The following SIDT1 variants were observed in gnomAD, a reference collection of about 807,000 sequenced individuals.
SIDT1 encodes SID1 transmembrane family member 1, also known as SID1 transmembrane family, member 1.
SIDT1 carries 101 observed loss-of-function variants against 107.5 expected under a neutral mutation model. That is an observed-to-expected ratio of 0.94 (90% CI 0.80 to 1.11). The LOEUF (loss-of-function observed/expected upper bound fraction) is 1.11, where lower values mean the gene tolerates loss of function less well. Among genes scored for constraint, SIDT1 ranks in the 50% least tolerant of loss-of-function variants. SIDT1 has a pLI of 0.00. For missense variants in SIDT1, 1,076 were observed against 1,058.2 expected, an observed-to-expected ratio of 1.02 and a Z score of -0.23; for synonymous variants, 395 against 398.2, an observed-to-expected ratio of 0.99 and a Z score of 0.10.
At chr3:113,570,066 C>T (rs1184796025) in intron 3 of SIDT1, among the ~76,000 whole-genome samples, 5 of 151,982 alleles carry the variant, frequency 3.3e-5, no homozygotes, top group Non-Finnish European at 7.4e-5. Context: ...CCACCATGCC[C>T]GGCTAATTTT....
At position 113,532,993 on chromosome 3, in the gene SIDT1, C is replaced by G. The variant is rs920869980; in HGVS notation, c.-29C>G. 12 of 1,333,630 alleles carry G rather than the reference C, an allele frequency of 9.0e-6. No homozygotes were observed. Among genetic ancestry groups the G allele is most frequent in the Non-Finnish European group, 2.9e-6 (3 of 1,045,116 alleles). The allele number at this position is 1,333,630 out of a possible 1,614,324, so 82.6% of individuals were successfully genotyped here. A position where few individuals can be genotyped will look rare whatever the true frequency, so the allele number is the denominator to read the frequency against. Reference sequence around the variant, plus strand: ...GCTCGCCCCCTCCCCAGGGTGGCTCCGCTTTCGAGCCCGGGCGCGGTGCCC... The same window carrying G: ...GCTCGCCCCCTCCCCAGGGTGGCTCGGCTTTCGAGCCCGGGCGCGGTGCCC... On this transcript the variant is annotated 5_prime_UTR_variant, in exon 1 of 25. Transcript: ENST00000264852.
intron 9 of SIDT1, among the ~76,000 whole-genome samples, chr3:113,590,904 G>T (rs1944098716): frequency 6.6e-6 from 1 of 152,200 alleles, no homozygotes; most frequent in African/African-American, 2.4e-5. Flanking sequence ...GTCCCCAAAA[G>T]AATTCTATGT....
In SIDT1 at chr3:113,629,093, G is replaced by C. The variant is rs1355489307; in HGVS notation, c.*1385G>C. 1 of 152,296 alleles carries C rather than the reference G, an allele frequency of 6.6e-6. No individual in the cohort carries two copies. Among genetic ancestry groups the C allele is most frequent in the East Asian group, 1.9e-4 (1 of 5,184 alleles). 9.4% of individuals were successfully genotyped at this position (152,296 alleles called of 1,614,324 possible). A position where few individuals can be genotyped will look rare whatever the true frequency, so the allele number is the denominator to read the frequency against. On this transcript the variant is annotated 3_prime_UTR_variant, in exon 25 of 25. Coordinates refer to ENST00000264852, the MANE Select transcript of SIDT1 (RefSeq NM_017699.3). ...GAAATTAAAGTCACCTCTTGCCTCT[G>C]CTTTCCTGATCATTCGTTAGAGAAA...
chr3:113,543,166 C>G lies in SIDT1; in HGVS notation c.222+9923C>G, dbSNP rs191817153. 2.5e-4 allele frequency among the ~76,000 whole-genome samples: 38 copies of G among 152,154 alleles called. 1 individual carries two copies. In the East Asian group the frequency reaches 7.0e-3, roughly 28 times the overall value. Reference sequence around the variant, plus strand: ...ATTTTGGCCAGGTTGGTCTCCAACTCCTGAACTCAGGTGATCCATCTGCCT... The same window carrying G: ...ATTTTGGCCAGGTTGGTCTCCAACTGCTGAACTCAGGTGATCCATCTGCCT... On this transcript the variant is annotated intron_variant, in intron 1 of 24. Coordinates refer to ENST00000264852, the MANE Select transcript of SIDT1 (RefSeq NM_017699.3).
intron 1 of SIDT1, among the ~76,000 whole-genome samples, chr3:113,560,675 AGTG>A (rs1268303903): frequency 6.6e-6 from 1 of 152,234 alleles, no homozygotes; most frequent in Non-Finnish European, 1.5e-5. Context: ...ACGGGAAAAC[AGTG>A]GTGTATTGAA....
At chr3:113,598,905 T>C (rs532460756) in intron 10 of SIDT1, among the ~76,000 whole-genome samples, 1 of 152,286 alleles carries the variant, frequency 6.6e-6, no homozygotes, top group Admixed American at 6.5e-5. Flanking sequence ...GACTGGAGGA[T>C]TGCTTGAGTC....
chr3:113,580,856 C>T (rs756523447), intron 5 of SIDT1, 147 bp downstream of exon 5: 29 of 593,184 alleles, frequency 4.9e-5, no homozygotes, highest in Admixed American at 1.7e-4. Context: ...TCTGTGAGCA[C>T]GAGTGGGCAG....
rs575785386 is a variant in SIDT1 at position 113,608,924 on chromosome 3, C to T, written c.1720+388C>T. Among the ~76,000 whole-genome samples, 9 of 152,276 alleles carry T rather than the reference C, an allele frequency of 5.9e-5. No individual in the cohort carries two copies. The South Asian group carries it at 6.2e-4, about 11-fold the overall frequency. On this transcript the variant is annotated intron_variant, in intron 17 of 24. Transcript: ENST00000264852. The stretch of plus-strand genomic sequence containing the variant: ...ATAGCAGCCCCTGGCTTCGTAGTTC[C>T]ACCCAACAATTCCAGAGGAGGCGGC...
intron 15 of SIDT1, 133 bp downstream of exon 15, chr3:113,607,247 C>T (rs1945402181): frequency 1.7e-6 from 1 of 600,874 alleles, no homozygotes; most frequent in Non-Finnish European, 3.0e-6. Flanking sequence ...AGGAACTAAA[C>T]CAAGAAGTTG....
chr3:113,589,150 G>T (rs556331436), intron 9 of SIDT1, among the ~76,000 whole-genome samples: 1 of 152,324 alleles, frequency 6.6e-6, no homozygotes, highest in Admixed American at 6.5e-5. Flanking sequence ...AGTCATGAGG[G>T]TAGTCTAGAT....
intron 9 of SIDT1, chr3:113,588,907 G>C (rs1943938042): frequency 6.6e-6 from 1 of 152,230 alleles, no homozygotes; most frequent in Non-Finnish European, 1.5e-5. Flanking sequence ...GCTAATCTGG[G>C]CTGGGCTGAG....
At chr3:113,607,515 T>C (rs1050051090) in intron 15 of SIDT1, among the ~76,000 whole-genome samples, 4 of 152,256 alleles carry the variant, frequency 2.6e-5, no homozygotes, top group Admixed American at 6.5e-5. Flanking sequence ...AGCTGCTAAG[T>C]AGTGCAGGAC....
rs1272919728 is a variant in SIDT1 at position 113,608,190 on chromosome 3, C to T, written c.1575C>T (p.Ala525=). The T allele has an allele frequency of 2.5e-6, 4 of 1,604,482 alleles. No individual in the cohort carries two copies. Among genetic ancestry groups the T allele is most frequent in the South Asian group, 1.1e-5 (1 of 89,560 alleles). Residue 525 remains alanine (A), a synonymous_variant, in exon 16 of 25, where the codon GCC becomes GCT. Coordinates refer to ENST00000264852, the MANE Select transcript of SIDT1 (RefSeq NM_017699.3). ...VLRRDILHRR[A]LEAKDIFAVE... ...GCCGCGACATCCTCCATCGGAGAGC[C>T]CTGGAAGCCAAGGACATCTTTGCTG... is the stretch of plus-strand genomic sequence containing the variant.
At chr3:113,588,621 C>G (rs1010260022) in intron 9 of SIDT1, 2 of 152,240 alleles carry the variant, frequency 1.3e-5, no homozygotes, top group Non-Finnish European at 2.9e-5. Context: ...CAGCCTCAGT[C>G]CATTCAACAT....
chr3:113,603,833 T>C (rs1265239666), intron 12 of SIDT1, 127 bp from the exon 13 acceptor site: 1 of 637,000 alleles, frequency 1.6e-6, no homozygotes, highest in African/African-American at 1.9e-5. Flanking sequence ...TAAATTTGAA[T>C]AATTGTATCG....
At chr3:113,632,004 T>C (rs1947098493), downstream of SIDT1, among the ~76,000 whole-genome samples, 1 of 152,200 alleles carries the variant, frequency 6.6e-6, no homozygotes, top group African/African-American at 2.4e-5. Flanking sequence ...TTTGTCTACC[T>C]TTAAGTCCCT....
chr3:113,614,691 C>T (rs959237243), intron 19 of SIDT1, among the ~76,000 whole-genome samples: 2 of 152,184 alleles, frequency 1.3e-5, no homozygotes, highest in Non-Finnish European at 2.9e-5. Context: ...TCATCATTAG[C>T]TCTCATAAAC....
At chr3:113,534,628 T>C (rs1363171442) in intron 1 of SIDT1, among the ~76,000 whole-genome samples, 1 of 152,230 alleles carries the variant, frequency 6.6e-6, no homozygotes, top group Non-Finnish European at 1.5e-5. Context: ...GGTTGACATG[T>C]TGCACGTGAG....
At chr3:113,625,247 C>T (rs1020734889) in intron 23 of SIDT1, among the ~76,000 whole-genome samples, 6 of 152,068 alleles carry the variant, frequency 3.9e-5, no homozygotes, top group African/African-American at 1.2e-4. Context: ...AGTGATTCTC[C>T]TGCCTCACCC....
Sources: allele counts gnomAD v4.1 joint callset (sites outside exome capture counted in the v4.1 genomes callset), GRCh38; gene constraint gnomAD v4.1.1; transcripts MANE v1.5; gene names NCBI Gene and HGNC (gene_info 2026-07-23, HGNC 2026-07-21).